The following HDHD2 variants were observed in gnomAD, a reference collection of about 807,000 sequenced individuals.
HDHD2 encodes haloacid dehalogenase-like hydrolase domain-containing protein 2.
A neutral mutation model predicts 24.8 loss-of-function variants in HDHD2; 26 were observed. The ratio of observed to expected loss-of-function variants is 1.05; its 90% CI spans 0.77 to 1.45. The LOEUF (loss-of-function observed/expected upper bound fraction) is 1.45. Among genes scored for constraint, HDHD2 ranks in the 40% most tolerant of loss-of-function variants. HDHD2 has a pLI of 0.00. For synonymous variants in HDHD2, 128 were observed against 114.9 expected (o/e 1.11, Z -0.73); for missense variants, 299 against 313.4 (o/e 0.95, Z 0.35).
intron 4 of HDHD2, among the ~76,000 whole-genome samples, chr18:47,124,776 A>G (rs569909074): frequency 2.6e-5 from 4 of 151,974 alleles, no homozygotes; most frequent in Non-Finnish European, 5.9e-5. Context: ...CAGAAAACGT[A>G]AAAGATTTGA....
In HDHD2 at chr18:47,107,696, C is replaced by T. The variant is rs945141689; in HGVS notation, c.*986G>A. ...GAGAAGAATAATCCATGCTACAAGA[C>T]GAGATTTCATTTTACAGCTGTAGTA... On this transcript the variant is annotated 3_prime_UTR_variant, in exon 7 of 7. Coordinates refer to ENST00000300605, the MANE Select transcript of HDHD2 (RefSeq NM_032124.5). 1.3e-5 allele frequency: 2 copies of T among 152,546 alleles called. No homozygotes were observed. Among genetic ancestry groups the T allele is most frequent in the South Asian group, 2.1e-4 (1 of 4,826 alleles). 9.4% of individuals were successfully genotyped at this position (152,546 alleles called of 1,614,324 possible). A position where few individuals can be genotyped will look rare whatever the true frequency, so the allele number is the denominator to read the frequency against.
chr18:47,130,649 C>A (rs1446322006), intron 3 of HDHD2, among the ~76,000 whole-genome samples: 2 of 152,152 alleles, frequency 1.3e-5, no homozygotes, highest in African/African-American at 4.8e-5. Flanking sequence ...ATGACAATTT[C>A]TAACTTCAAA....
intron 5 of HDHD2, 110 bp downstream of exon 5, chr18:47,115,022 T>C: frequency 5.4e-6 from 4 of 736,414 alleles, no homozygotes; most frequent in South Asian, 5.1e-5. Flanking sequence ...ATATATATAC[T>C]GTCCACATTG....
intron 1 of HDHD2, chr18:47,137,028 A>C (rs1238763093): frequency 1.4e-6 from 1 of 692,740 alleles, no homozygotes; most frequent in Non-Finnish European, 2.7e-6. Context: ...ATGGCCAACA[A>C]AAAGCCCAAG....
intron 1 of HDHD2, among the ~76,000 whole-genome samples, chr18:47,138,035 A>G (rs1032952289): frequency 2.0e-5 from 3 of 151,814 alleles, no homozygotes; most frequent in African/African-American, 7.3e-5. Context: ...GCATGGTGGC[A>G]GTTGCCTGTA....
chr18:47,145,199 T>TA (rs1485739960), intron 1 of HDHD2, among the ~76,000 whole-genome samples: 1 of 152,216 alleles, frequency 6.6e-6, no homozygotes, highest in African/African-American at 2.4e-5. Context: ...GAGCAACATT[T>TA]AGACTCAGAT....
At chr18:47,138,053 C>A (rs543273203) in intron 1 of HDHD2, among the ~76,000 whole-genome samples, 1 of 151,364 alleles carries the variant, frequency 6.6e-6, no homozygotes, top group Non-Finnish European at 1.5e-5. Flanking sequence ...GTAATCCCAG[C>A]TACTAGGGAG....
chr18:47,117,570 T>C (rs572453203), intron 4 of HDHD2, among the ~76,000 whole-genome samples: 1 of 152,314 alleles, frequency 6.6e-6, no homozygotes, highest in South Asian at 2.1e-4. Context: ...ACTCTGTTCT[T>C]TATAAATTAC....
At chr18:47,137,770 C>T (rs548799744) in intron 1 of HDHD2, among the ~76,000 whole-genome samples, 14 of 151,196 alleles carry the variant, frequency 9.3e-5, no homozygotes, top group South Asian at 4.2e-4. Context: ...GTAGCTGTTA[C>T]GTATAGGGCA....
chr18:47,110,665 T>C, intron 6 of HDHD2: 2 of 985,310 alleles, frequency 2.0e-6, no homozygotes, highest in Non-Finnish European at 2.4e-6. Flanking sequence ...ATAACGTTCG[T>C]TGAGTGAATG....
intron 1 of HDHD2, among the ~76,000 whole-genome samples, chr18:47,148,674 C>A (rs1045915362): frequency 6.6e-6 from 1 of 152,220 alleles, no homozygotes; most frequent in Non-Finnish European, 1.5e-5. Flanking sequence ...ACCATCAATC[C>A]AGACACCAAA....
At chr18:47,132,357 T>C (rs1226610549) in intron 3 of HDHD2, among the ~76,000 whole-genome samples, 2 of 152,236 alleles carry the variant, frequency 1.3e-5, no homozygotes, top group African/African-American at 4.8e-5. Context: ...GATGAATATT[T>C]GGGTTGTTTC....
At chr18:47,112,930 A>G (rs2063527148) in intron 6 of HDHD2, 47 bp downstream of exon 6, 1 of 1,464,074 alleles carries the variant, frequency 6.8e-7, no homozygotes, top group East Asian at 2.3e-5. Flanking sequence ...GCAACTGTGT[A>G]TTCTACTATT....
intron 4 of HDHD2, among the ~76,000 whole-genome samples, chr18:47,115,948 G>T (rs1363008970): frequency 6.6e-6 from 1 of 152,118 alleles, no homozygotes; most frequent in Non-Finnish European, 1.5e-5. Context: ...TGAAGAAAAA[G>T]ATTTACAGGA....
chr18:47,133,366 G>C (rs2063732176), intron 3 of HDHD2, among the ~76,000 whole-genome samples: 1 of 151,974 alleles, frequency 6.6e-6, no homozygotes, highest in African/African-American at 2.4e-5. Context: ...TGCTGTATAT[G>C]TGCCACATTT....
rs1374431451 is a variant in HDHD2, at chr18:47,150,401, G to A, written c.-34C>T. 2.6e-5 allele frequency: 4 copies of A among 152,390 alleles called. No individual in the cohort carries two copies. In the South Asian group the frequency reaches 6.2e-4, roughly 24 times the overall value. The allele number at this position is 152,390 out of a possible 1,614,324, so 9.4% of individuals were successfully genotyped here. A position where few individuals can be genotyped will look rare whatever the true frequency, so the allele number is the denominator to read the frequency against. On this transcript the variant is annotated 5_prime_UTR_variant, in exon 1 of 7. Coordinates refer to ENST00000300605, the MANE Select transcript of HDHD2 (RefSeq NM_032124.5). ...ACCCACACTCCGTACGCCGTCCTCAGGAAAGGCCCCCGCTAATGGCAAAGC... is the reference window on the plus strand; with the variant it reads ...ACCCACACTCCGTACGCCGTCCTCAAGAAAGGCCCCCGCTAATGGCAAAGC...
At chr18:47,110,352 A>G (rs1215060979) in intron 6 of HDHD2, 1 of 985,360 alleles carries the variant, frequency 1.0e-6, no homozygotes, top group Non-Finnish European at 1.2e-6. Flanking sequence ...GCACCTGTCC[A>G]TAGCATGGTC....
At chr18:47,144,270 T>TA (rs2063846690) in intron 1 of HDHD2, among the ~76,000 whole-genome samples, 2 of 152,244 alleles carry the variant, frequency 1.3e-5, no homozygotes, top group South Asian at 4.1e-4. Context: ...GAATAAAAGA[T>TA]AAACTCAGAG....
chr18:47,147,264 T>C (rs1262982432), intron 1 of HDHD2, among the ~76,000 whole-genome samples: 6 of 152,160 alleles, frequency 3.9e-5, no homozygotes, highest in Non-Finnish European at 5.9e-5. Flanking sequence ...TTAAGAGCTG[T>C]GGTTAATCAA....
Sources: allele counts gnomAD v4.1 joint callset (sites outside exome capture counted in the v4.1 genomes callset), GRCh38; gene constraint gnomAD v4.1.1; transcripts MANE v1.5; gene names NCBI Gene and HGNC (gene_info 2026-07-23, HGNC 2026-07-21).